GALNT14: variants seen among roughly 807,000 people sequenced by gnomAD.
The protein encoded by GALNT14 is polypeptide N-acetylgalactosaminyltransferase 14, also known as UDP-GalNAc:polypeptide N-acetylgalactosaminyltransferase 14.
A neutral mutation model predicts 77.5 loss-of-function variants in GALNT14; 60 were observed. That is an observed-to-expected ratio of 0.77 (90% CI 0.63 to 0.96). GALNT14 has a LOEUF of 0.96. Among genes scored for constraint, GALNT14 ranks in the 40% least tolerant of loss-of-function variants. GALNT14 has a pLI of 0.00. For missense variants in GALNT14, 710 were observed against 731.0 expected (o/e 0.97, Z 0.33); for synonymous variants, 280 against 281.7 (o/e 0.99, Z 0.06).
intron 1 of GALNT14, chr2:31,132,817 G>T: frequency 4.4e-6 from 2 of 454,176 alleles, no homozygotes; most frequent in South Asian, 1.6e-5. Flanking sequence ...GATTAAAAAT[G>T]ATGGTTTAGG....
At chr2:31,090,289 T>C (rs937753189) in intron 1 of GALNT14, among the ~76,000 whole-genome samples, 4 of 152,154 alleles carry the variant, frequency 2.6e-5, no homozygotes, top group African/African-American at 9.7e-5. Flanking sequence ...CACTAGGTAC[T>C]TCCCCCACTG....
downstream of GALNT14, among the ~76,000 whole-genome samples, chr2:30,906,919 G>C (rs59455808): frequency 3.3e-5 from 5 of 151,984 alleles, no homozygotes; most frequent in African/African-American, 1.2e-4. Flanking sequence ...TCAAAACCAC[G>C]CAACTACATG....
At chr2:30,932,514 C>T (rs896944026) in intron 9 of GALNT14, among the ~76,000 whole-genome samples, 1 of 152,198 alleles carries the variant, frequency 6.6e-6, no homozygotes, top group Non-Finnish European at 1.5e-5. Flanking sequence ...GCCTTGGGGG[C>T]ACTAAGAGAG....
At chr2:31,104,125 C>G (rs765442826) in intron 1 of GALNT14, among the ~76,000 whole-genome samples, 9 of 152,132 alleles carry the variant, frequency 5.9e-5, no homozygotes, top group Non-Finnish European at 1.0e-4. Flanking sequence ...TTTTTCTCCT[C>G]ATAAGTGACT....
chr2:30,989,139 T>C (rs1669501665), intron 2 of GALNT14, among the ~76,000 whole-genome samples: 1 of 152,184 alleles, frequency 6.6e-6, no homozygotes, highest in Non-Finnish European at 1.5e-5. Flanking sequence ...ATACTTCAGC[T>C]GGTTGGAGTC....
chr2:30,897,925 A>G, the GALNT14 span, among the ~76,000 whole-genome samples: 2 of 152,210 alleles, frequency 1.3e-5, no homozygotes, highest in Non-Finnish European at 2.9e-5. Flanking sequence ...TCCATGCCCC[A>G]GGCAACCCCA....
At chr2:31,100,300 C>G (rs1031344196) in intron 1 of GALNT14, among the ~76,000 whole-genome samples, 1 of 151,944 alleles carries the variant, frequency 6.6e-6, no homozygotes, top group African/African-American at 2.4e-5. Context: ...TGTTACATGT[C>G]ATTTTGCTTA....
the GALNT14 span, among the ~76,000 whole-genome samples, chr2:30,897,488 A>C: frequency 2.2e-4 from 33 of 152,356 alleles, no homozygotes; most frequent in Admixed American, 1.7e-3. Context: ...CTCGTGGGTC[A>C]GACCAGAAGT....
Position 30,912,334 on chromosome 2 carries a change from G to A in GALNT14, c.1389C>T (p.Ala463=), listed in dbSNP as rs1203239102. 1 of 1,614,026 alleles carries A rather than the reference G, an allele frequency of 6.2e-7. No individual in the cohort carries two copies. The highest frequency in any genetic ancestry group is 1.7e-5 in the Admixed American group (1 of 59,994). ...GGAGGATCTGCTGGGTGTATGTGAA[G>A]GCCCATACCTGGGGAGAAAGAGACC... is the stretch of plus-strand genomic sequence containing the variant. ...KGEDAKSQVW[A]FTYTQQILQE... is the part of the protein sequence containing the mutation. The change falls in exon 14 of 15, where the codon GCC becomes GCT. Residue 463 remains alanine (A), a synonymous_variant. Transcript: ENST00000349752.
intron 1 of GALNT14, among the ~76,000 whole-genome samples, chr2:31,033,989 A>G (rs1672565795): frequency 6.6e-6 from 1 of 152,258 alleles, no homozygotes; most frequent in African/African-American, 2.4e-5. Context: ...CATTTAAACC[A>G]TACAAAATCC....
intron 1 of GALNT14, among the ~76,000 whole-genome samples, chr2:30,994,082 A>C (rs1281654921): frequency 6.6e-6 from 1 of 152,224 alleles, no homozygotes; most frequent in Non-Finnish European, 1.5e-5. Context: ...AGAACTTTCA[A>C]GTTCATAAAA....
intron 1 of GALNT14, among the ~76,000 whole-genome samples, chr2:31,112,554 A>C (rs1227710376): frequency 6.6e-6 from 1 of 152,198 alleles, no homozygotes; most frequent in Non-Finnish European, 1.5e-5. Flanking sequence ...AGATGTCACG[A>C]TCGTCAAAGA....
chr2:30,893,844 G>A, the GALNT14 span, among the ~76,000 whole-genome samples: 2 of 151,720 alleles, frequency 1.3e-5, no homozygotes, highest in South Asian at 4.1e-4. Context: ...TTAGTGGGTT[G>A]AATATCCTTT....
At chr2:30,890,085 C>A in the GALNT14 span, among the ~76,000 whole-genome samples, 1 of 152,164 alleles carries the variant, frequency 6.6e-6, no homozygotes, top group African/African-American at 2.4e-5. Flanking sequence ...ACTCTCCTGG[C>A]CATTGAATCA....
rs147559591 is a variant in GALNT14, at chr2:31,120,781, T to A, written c.129+17177A>T. 4.7e-3 allele frequency among the ~76,000 whole-genome samples: 712 copies of A among 152,312 alleles called. 5 individuals carry two copies. The highest frequency in any genetic ancestry group is 0.016 in the African/African-American group (681 of 41,568). On this transcript the variant is annotated intron_variant, in intron 1 of 14. Transcript: ENST00000349752. ...TATGTTGGCCAGGCTGGTCTCAAACTCCTGACCTCTGGTGACCCACTGGCC... is the reference window on the plus strand; with the variant it reads ...TATGTTGGCCAGGCTGGTCTCAAACACCTGACCTCTGGTGACCCACTGGCC...
chr2:31,090,913 T>C (rs1449763498), intron 1 of GALNT14, among the ~76,000 whole-genome samples: 2 of 152,320 alleles, frequency 1.3e-5, no homozygotes, highest in Admixed American at 1.3e-4. Flanking sequence ...GCGAGTGTTT[T>C]ACAAAGTGAG....
At chr2:31,106,672 G>C (rs147648306) in intron 1 of GALNT14, among the ~76,000 whole-genome samples, 1 of 152,134 alleles carries the variant, frequency 6.6e-6, no homozygotes, top group East Asian at 1.9e-4. Flanking sequence ...TAAATTCACT[G>C]TGAAATACTT....
downstream of GALNT14, among the ~76,000 whole-genome samples, chr2:30,907,128 C>A (rs556959775): frequency 2.2e-3 from 341 of 152,032 alleles, 1 homozygote; most frequent in Non-Finnish European, 3.3e-3. Flanking sequence ...AAATTGACAC[C>A]CTAACATCAC....
chr2:31,074,447 T>C lies in GALNT14; in HGVS notation c.129+63511A>G, dbSNP rs562727954. 1.4e-3 allele frequency among the ~76,000 whole-genome samples: 220 copies of C among 152,078 alleles called. 2 individuals are homozygous for C. Among genetic ancestry groups the C allele is most frequent in the Non-Finnish European group, 2.2e-3 (152 of 67,976 alleles). ...TAAAACCACCACTGTTTTTTATTTC[T>C]CACATCTCTGGGTAAGCTTGGGATT... On this transcript the variant is annotated intron_variant, in intron 1 of 14. Coordinates refer to ENST00000349752, the MANE Select transcript of GALNT14 (RefSeq NM_024572.4).
Sources: allele counts gnomAD v4.1 joint callset (sites outside exome capture counted in the v4.1 genomes callset), GRCh38; gene constraint gnomAD v4.1.1; transcripts MANE v1.5; gene names NCBI Gene and HGNC (gene_info 2026-07-23, HGNC 2026-07-21).